TAFA2: variants seen among roughly 807,000 people sequenced by gnomAD.
TAFA2 encodes TAFA chemokine like family member 2.
TAFA2 carries 7 observed loss-of-function variants against 18.8 expected under a neutral mutation model. That is an observed-to-expected ratio of 0.37 (90% confidence interval 0.21 to 0.70). The LOEUF (loss-of-function observed/expected upper bound fraction) is 0.70. Among genes scored for constraint, TAFA2 ranks in the 30% least tolerant of loss-of-function variants. The pLI is 0.53. For synonymous variants in TAFA2, 60 were observed against 54.2 expected (o/e 1.11, Z -0.47); for missense variants, 122 against 158.1 (o/e 0.77, Z 1.23).
intron 1 of TAFA2, among the ~76,000 whole-genome samples, chr12:62,133,365 T>C (rs1870765070): frequency 6.6e-6 from 1 of 152,006 alleles, no homozygotes; most frequent in Non-Finnish European, 1.5e-5. Context: ...TCCATGAAGG[T>C]CAACTCAGTG....
At chr12:61,818,476 C>G (rs1282215444) in intron 2 of TAFA2, among the ~76,000 whole-genome samples, 3 of 144,372 alleles carry the variant, frequency 2.1e-5, no homozygotes, top group Admixed American at 6.9e-5. Context: ...GATCGAGACC[C>G]TGTCTCAAAA....
chr12:62,162,023 C>A (rs1008576566), intron 1 of TAFA2, among the ~76,000 whole-genome samples: 1 of 152,136 alleles, frequency 6.6e-6, no homozygotes, highest in South Asian at 2.1e-4. Flanking sequence ...TGAAGACTTG[C>A]TGAAATGTGT....
chr12:61,951,337 ATGGT>A (rs1390286210), intron 1 of TAFA2, among the ~76,000 whole-genome samples: 3 of 152,184 alleles, frequency 2.0e-5, no homozygotes, highest in Admixed American at 2.0e-4. Context: ...GTAAAACAAA[ATGGT>A]TACAATAAAA....
At chr12:61,812,270 G>C (rs1871902132) in intron 2 of TAFA2, among the ~76,000 whole-genome samples, 1 of 151,462 alleles carries the variant, frequency 6.6e-6, no homozygotes, top group Non-Finnish European at 1.5e-5. Flanking sequence ...TAAGAAAGGG[G>C]GAAAGATCCC....
intron 1 of TAFA2, among the ~76,000 whole-genome samples, chr12:62,150,825 G>A (rs1254324164): frequency 2.0e-5 from 3 of 151,696 alleles, no homozygotes; most frequent in Non-Finnish European, 4.4e-5. Flanking sequence ...AGAATCACTT[G>A]AACCCAGGAG....
intron 2 of TAFA2, among the ~76,000 whole-genome samples, chr12:61,774,003 C>G (rs1870146280): frequency 6.6e-6 from 1 of 151,580 alleles, no homozygotes; most frequent in South Asian, 2.1e-4. Context: ...AACAAATCAG[C>G]AAGAAACAAA....
intron 1 of TAFA2, among the ~76,000 whole-genome samples, chr12:61,940,131 T>C (rs1877938034): frequency 6.6e-6 from 1 of 152,186 alleles, no homozygotes; most frequent in Non-Finnish European, 1.5e-5. Context: ...GTGGTTACCT[T>C]ATAGTATGGG....
At chr12:61,774,482 T>A (rs1242789554) in intron 2 of TAFA2, among the ~76,000 whole-genome samples, 1 of 151,746 alleles carries the variant, frequency 6.6e-6, no homozygotes, top group Non-Finnish European at 1.5e-5. Context: ...GGAATACTAC[T>A]CAGCTATAAA....
At chr12:62,084,899 G>C (rs1197317150) in intron 1 of TAFA2, among the ~76,000 whole-genome samples, 1 of 152,124 alleles carries the variant, frequency 6.6e-6, no homozygotes, top group African/African-American at 2.4e-5. Context: ...GCAGCACCCA[G>C]TCAGCCATGC....
chr12:62,174,164 C>T (rs752694981), intron 1 of TAFA2, among the ~76,000 whole-genome samples: 3 of 151,960 alleles, frequency 2.0e-5, no homozygotes, highest in South Asian at 2.1e-4. Context: ...TGGTGGCGCA[C>T]GCCTGTAGTC....
At chr12:62,009,614 G>T (rs1191839501) in intron 1 of TAFA2, among the ~76,000 whole-genome samples, 1 of 152,190 alleles carries the variant, frequency 6.6e-6, no homozygotes, top group Non-Finnish European at 1.5e-5. Flanking sequence ...ATATAATTAT[G>T]TGAAAGTCTA....
chr12:62,010,732 G>C (rs559986444), intron 1 of TAFA2, among the ~76,000 whole-genome samples: 2 of 147,696 alleles, frequency 1.4e-5, no homozygotes, highest in South Asian at 4.3e-4. Flanking sequence ...CGCCCCGTCT[G>C]GGAGGTGAGG....
chr12:61,921,355 G>A (rs1404737683), intron 1 of TAFA2, among the ~76,000 whole-genome samples: 1 of 152,180 alleles, frequency 6.6e-6, no homozygotes, highest in Admixed American at 6.5e-5. Context: ...TCCACTTACA[G>A]GATGTAAGGT....
intron 1 of TAFA2, among the ~76,000 whole-genome samples, chr12:61,927,016 A>C (rs1488134513): frequency 6.9e-6 from 1 of 145,954 alleles, no homozygotes; most frequent in Non-Finnish European, 1.5e-5. Flanking sequence ...CGGAGGTTGC[A>C]GTAAGCCGAG....
intron 1 of TAFA2, among the ~76,000 whole-genome samples, chr12:62,108,149 C>A (rs1272485772): frequency 1.3e-5 from 2 of 152,120 alleles, no homozygotes; most frequent in South Asian, 2.1e-4. Context: ...TCCCCCACCC[C>A]CCAACAGGCC....
intron 1 of TAFA2, among the ~76,000 whole-genome samples, chr12:61,935,773 C>T (rs1307276364): frequency 1.3e-5 from 2 of 151,944 alleles, no homozygotes; most frequent in Admixed American, 6.5e-5. Flanking sequence ...TTTCTGGAAA[C>T]ACACAAGCCC....
At chr12:61,887,196 C>G (rs1164869164) in intron 1 of TAFA2, among the ~76,000 whole-genome samples, 1 of 152,156 alleles carries the variant, frequency 6.6e-6, no homozygotes, top group Non-Finnish European at 1.5e-5. Context: ...AAGAAGACTT[C>G]TCTGCCCCTC....
chr12:62,177,251 C>CT (rs1262688537), intron 1 of TAFA2, among the ~76,000 whole-genome samples: 1 of 152,240 alleles, frequency 6.6e-6, no homozygotes, highest in African/African-American at 2.4e-5. Context: ...ATACAGAACT[C>CT]TGGGCATGCT....
chr12:61,781,367 G>A (rs1330981947), intron 2 of TAFA2, among the ~76,000 whole-genome samples: 1 of 151,736 alleles, frequency 6.6e-6, no homozygotes, highest in Non-Finnish European at 1.5e-5. Context: ...AAAAGAAGTG[G>A]AATCTGAGGT....
Sources: allele counts gnomAD v4.1 joint callset (sites outside exome capture counted in the v4.1 genomes callset), GRCh38; gene constraint gnomAD v4.1.1; transcripts MANE v1.5; gene names NCBI Gene and HGNC (gene_info 2026-07-23, HGNC 2026-07-21).